Variants in DLG2 observed in about 807,000 individuals in gnomAD.
The protein encoded by DLG2 is discs large MAGUK scaffold protein 2.
In DLG2, 45 loss-of-function variants were observed where a neutral mutation model predicts 132.5. The ratio of observed to expected loss-of-function variants is 0.34; its 90% CI spans 0.27 to 0.44. The LOEUF (loss-of-function observed/expected upper bound fraction) is 0.44, where lower values mean the gene tolerates loss of function less well. DLG2 is among the 20% of genes least tolerant of loss of function. DLG2 has a pLI of 1.00. For missense variants in DLG2, 1,045 were observed against 1,196.9 expected (o/e 0.87, Z 1.87); for synonymous variants, 424 against 419.6 (o/e 1.01, Z -0.13).
intron 6 of DLG2, among the ~76,000 whole-genome samples, chr11:84,571,643 T>A (rs891520331): frequency 3.9e-5 from 6 of 152,116 alleles, no homozygotes; most frequent in Non-Finnish European, 8.8e-5. Context: ...CAGCACACTT[T>A]TTTTCTACAC....
At position 83,702,123 on chromosome 11, in the gene DLG2, C is replaced by T. The variant is rs1289968070; in HGVS notation, c.1826-68798G>A. 3.3e-5 allele frequency among the ~76,000 whole-genome samples: 5 copies of T among 152,170 alleles called. No homozygotes were observed. The East Asian group carries it at 9.6e-4, about 29-fold the overall frequency. On this transcript the variant is annotated intron_variant, in intron 18 of 27. Transcript: ENST00000376104. ...TGCAAACTCAGTGTTGGCTTGGGAT[C>T]AGGATATCTCAGCAAATTCCCCTTA...
chr11:85,437,355 T>G (rs1395544947), intron 3 of DLG2, among the ~76,000 whole-genome samples: 1 of 152,136 alleles, frequency 6.6e-6, no homozygotes, highest in Non-Finnish European at 1.5e-5. Context: ...TGATACATAT[T>G]TTCTAAGAAG....
intron 10 of DLG2, among the ~76,000 whole-genome samples, chr11:84,077,351 T>C (rs568861784): frequency 2.0e-5 from 3 of 152,304 alleles, no homozygotes; most frequent in African/African-American, 7.2e-5. Flanking sequence ...CCAAATCTAA[T>C]GAGATCTCGT....
chr11:83,938,975 C>T (rs2082075393), intron 14 of DLG2, among the ~76,000 whole-genome samples: 1 of 152,150 alleles, frequency 6.6e-6, no homozygotes, highest in Non-Finnish European at 1.5e-5. Context: ...TACTTTCTAC[C>T]TGATAGCTTC....
At chr11:85,083,575 G>A (rs2067524221) in intron 6 of DLG2, among the ~76,000 whole-genome samples, 1 of 152,228 alleles carries the variant, frequency 6.6e-6, no homozygotes, top group African/African-American at 2.4e-5. Flanking sequence ...AATACATGTA[G>A]GATGCACAGT....
intron 3 of DLG2, among the ~76,000 whole-genome samples, chr11:85,579,766 A>G (rs2078393237): frequency 6.6e-6 from 1 of 152,114 alleles, no homozygotes; most frequent in African/African-American, 2.4e-5. Flanking sequence ...AGCTCACTGT[A>G]ACCTCTGCCT....
chr11:85,462,984 A>G (rs1177846921), intron 3 of DLG2, among the ~76,000 whole-genome samples: 2 of 152,168 alleles, frequency 1.3e-5, no homozygotes, highest in Non-Finnish European at 2.9e-5. Flanking sequence ...AAGAAGTCAT[A>G]TGAGTAGACA....
chr11:84,040,264 C>T (rs1323654532), intron 11 of DLG2, among the ~76,000 whole-genome samples: 5 of 151,908 alleles, frequency 3.3e-5, no homozygotes, highest in African/African-American at 9.7e-5. Context: ...GTTGCCATTG[C>T]TTTTGGTGTT....
At chr11:84,605,696 T>C (rs2099584349) in intron 6 of DLG2, among the ~76,000 whole-genome samples, 1 of 151,966 alleles carries the variant, frequency 6.6e-6, no homozygotes, top group African/African-American at 2.4e-5. Context: ...CCAGAACTCC[T>C]GTCTATTAGA....
intron 19 of DLG2, among the ~76,000 whole-genome samples, chr11:83,599,355 T>C (rs537632776): frequency 3.3e-5 from 5 of 152,188 alleles, no homozygotes; most frequent in Non-Finnish European, 7.3e-5. Context: ...CTGAGGGCCT[T>C]AGGCTATTTC....
At chr11:85,240,529 T>C (rs1466596063) in intron 4 of DLG2, among the ~76,000 whole-genome samples, 2 of 151,862 alleles carry the variant, frequency 1.3e-5, no homozygotes, top group Non-Finnish European at 2.9e-5. Context: ...ATATATTTTA[T>C]ATTAAGATTT....
chr11:84,240,138 C>T (rs1466664876), intron 8 of DLG2, among the ~76,000 whole-genome samples: 1 of 152,218 alleles, frequency 6.6e-6, no homozygotes, highest in Non-Finnish European at 1.5e-5. Context: ...CATCTCTGTA[C>T]TTCTTTTAAC....
At chr11:85,138,833 C>T (rs374596168) in intron 5 of DLG2, among the ~76,000 whole-genome samples, 18 of 150,468 alleles carry the variant, frequency 1.2e-4, no homozygotes, top group Admixed American at 2.0e-4. Flanking sequence ...TCCAATTAAA[C>T]CTCTTGTTCT....
intron 3 of DLG2, among the ~76,000 whole-genome samples, chr11:85,462,149 C>T (rs1398419619): frequency 6.6e-6 from 1 of 152,192 alleles, no homozygotes; most frequent in Non-Finnish European, 1.5e-5. Context: ...AGTCAGGAAA[C>T]AATAGGTGCT....
intron 9 of DLG2, among the ~76,000 whole-genome samples, chr11:84,106,750 A>T (rs2092941895): frequency 6.6e-6 from 1 of 151,964 alleles, no homozygotes; most frequent in African/African-American, 2.4e-5. Context: ...ATGCCAGATT[A>T]TTGTAGACCA....
chr11:84,332,161 T>G (rs528545202), intron 7 of DLG2, among the ~76,000 whole-genome samples: 1 of 152,076 alleles, frequency 6.6e-6, no homozygotes, highest in Non-Finnish European at 1.5e-5. Context: ...TTTTTTCCTC[T>G]CTTGTCTACA....
chr11:84,780,253 A>G (rs948535106), intron 6 of DLG2, among the ~76,000 whole-genome samples: 3 of 152,084 alleles, frequency 2.0e-5, no homozygotes, highest in African/African-American at 7.2e-5. Context: ...TAAATATGAT[A>G]CATCACATAA....
At chr11:84,865,728 A>G (rs997339664) in intron 6 of DLG2, among the ~76,000 whole-genome samples, 4 of 152,352 alleles carry the variant, frequency 2.6e-5, no homozygotes, top group East Asian at 1.9e-4. Context: ...ACAATCTTCA[A>G]TGCTCTTATA....
At chr11:85,511,489 C>A (rs1293458331) in intron 3 of DLG2, among the ~76,000 whole-genome samples, 1 of 151,888 alleles carries the variant, frequency 6.6e-6, no homozygotes, top group Non-Finnish European at 1.5e-5. Flanking sequence ...GAGATTATAA[C>A]ATTTTAACAA....
Sources: gnomAD v4.1 joint callset for allele counts (sites outside exome capture counted in the v4.1 genomes callset) on GRCh38, gnomAD v4.1.1 for gene constraint, MANE v1.5 for transcripts, NCBI Gene and HGNC (gene_info 2026-07-23, HGNC 2026-07-21) for gene names.